Variants in NEBL observed in about 807,000 individuals in gnomAD.
NEBL encodes the protein nebulette, also known as LIM and SH3 protein 2.
In NEBL, 122 loss-of-function variants were observed where a neutral mutation model predicts 140.2. The observed-to-expected ratio is 0.87, with a 90% CI of 0.75 to 1.01. The LOEUF is 1.01. NEBL is among the 50% of genes least tolerant of loss of function. The pLI, the probability that NEBL is intolerant of heterozygous loss-of-function variation, is 0.00. For synonymous variants in NEBL, 436 were observed against 398.9 expected (o/e 1.09, Z -1.11); for missense variants, 1,365 against 1,231.3 (o/e 1.11, Z -1.62).
At chr10:20,979,496 C>T (rs1204243842) in intron 3 of NEBL, among the ~76,000 whole-genome samples, 3 of 152,024 alleles carry the variant, frequency 2.0e-5, no homozygotes, top group Admixed American at 1.3e-4. Context: ...ATGTTTTACT[C>T]GTATAATTCT....
chr10:21,212,704 C>T (rs905503543), intron 3 of NEBL, among the ~76,000 whole-genome samples: 1 of 152,132 alleles, frequency 6.6e-6, no homozygotes, highest in Non-Finnish European at 1.5e-5. Context: ...TTCCAAAGGC[C>T]CTGTGGCCAC....
chr10:21,267,197 A>T (rs1051015957), intron 1 of NEBL, among the ~76,000 whole-genome samples: 2 of 151,998 alleles, frequency 1.3e-5, no homozygotes, highest in Admixed American at 1.3e-4. Context: ...GCCAGTCTCA[A>T]ACTCCTGACC....
chr10:21,024,338 G>A (rs574576779), intron 2 of NEBL, among the ~76,000 whole-genome samples: 1 of 152,094 alleles, frequency 6.6e-6, no homozygotes, highest in African/African-American at 2.4e-5. Context: ...TGATGTAGGA[G>A]AGAAAAAGTT....
At chr10:20,896,186 T>C (rs913664049) in intron 2 of NEBL, among the ~76,000 whole-genome samples, 2 of 152,122 alleles carry the variant, frequency 1.3e-5, no homozygotes, top group Admixed American at 6.5e-5. Context: ...TTACCCTTTC[T>C]CTGGACCAGC....
intron 4 of NEBL, among the ~76,000 whole-genome samples, chr10:20,945,699 A>C (rs1221905947): frequency 6.6e-6 from 1 of 152,180 alleles, no homozygotes; most frequent in Non-Finnish European, 1.5e-5. Context: ...TTAAGAACAC[A>C]CTAGCTTCCG....
intron 4 of NEBL, among the ~76,000 whole-genome samples, chr10:20,936,135 T>C (rs146189097): frequency 6.6e-6 from 1 of 152,336 alleles, no homozygotes; most frequent in Non-Finnish European, 1.5e-5. Context: ...GTTTATTGCA[T>C]AATAATAACA....
At chr10:21,062,047 G>A (rs1401411852) in intron 2 of NEBL, among the ~76,000 whole-genome samples, 1 of 152,220 alleles carries the variant, frequency 6.6e-6, no homozygotes, top group African/African-American at 2.4e-5. Flanking sequence ...TGTAAAACTA[G>A]AATATCTAAG....
At chr10:20,975,303 T>A (rs983108737) in intron 3 of NEBL, among the ~76,000 whole-genome samples, 1 of 152,164 alleles carries the variant, frequency 6.6e-6, no homozygotes, top group Non-Finnish European at 1.5e-5. Context: ...GATAAGTGTT[T>A]CGACTTCTCT....
Position 20,787,306 on chromosome 10 carries a change from G to T in NEBL, c.2764C>A (p.Pro922Thr). ...EVTRPSDEGA[P>T]VLPGAYQQSH... ...TGCTGATAGGCTCCGGGAAGAACAG[G>T]TGCTGCATGTTAAACATACACACAC... Residue 922 changes from proline (P) to threonine (T), a missense_variant and splice_region_variant, in exon 27 of 28, where the codon CCT (proline) becomes ACT (threonine). Physicochemically the swap from Pro to Thr is conservative, Grantham distance 38 (BLOSUM62 -1). Around this residue, in one of 2 missense-constraint regions of NEBL, gnomAD observed 1,323 missense variants for 1,154.8 expected, o/e 1.15. Coordinates refer to ENST00000377122, the MANE Select transcript of NEBL (RefSeq NM_006393.3). 6.2e-7 allele frequency: 1 copy of T among 1,610,562 alleles called. No homozygotes were observed. Among genetic ancestry groups the T allele is most frequent in the South Asian group, 1.1e-5 (1 of 90,576 alleles).
At chr10:21,127,520 T>C (rs936207719) in intron 2 of NEBL, among the ~76,000 whole-genome samples, 3 of 151,320 alleles carry the variant, frequency 2.0e-5, no homozygotes, top group East Asian at 3.9e-4. Context: ...CAATGAGATA[T>C]ACTGGAAAGT....
chr10:21,119,589 T>C (rs145116659), intron 2 of NEBL, among the ~76,000 whole-genome samples: 1 of 151,662 alleles, frequency 6.6e-6, no homozygotes, highest in Admixed American at 6.6e-5. Flanking sequence ...ATGTTTTAGA[T>C]AATTTACATG....
chr10:21,129,984 C>A (rs1348470199), intron 2 of NEBL, among the ~76,000 whole-genome samples: 1 of 151,898 alleles, frequency 6.6e-6, no homozygotes, highest in Non-Finnish European at 1.5e-5. Flanking sequence ...ATGACCTAAC[C>A]ATATTTTGTC....
chr10:21,281,275 T>C (rs1011275657), intron 1 of NEBL, among the ~76,000 whole-genome samples: 2 of 152,128 alleles, frequency 1.3e-5, no homozygotes, highest in Non-Finnish European at 2.9e-5. Context: ...CAGCACAAAA[T>C]ACCAAGCATT....
At chr10:21,134,138 A>G (rs1055403240) in intron 2 of NEBL, among the ~76,000 whole-genome samples, 1 of 152,084 alleles carries the variant, frequency 6.6e-6, no homozygotes, top group Non-Finnish European at 1.5e-5. Flanking sequence ...AGGCAGGAGA[A>G]TCACTTGAAC....
chr10:21,184,820 T>C (rs1015803508), intron 3 of NEBL, among the ~76,000 whole-genome samples: 1 of 152,268 alleles, frequency 6.6e-6, no homozygotes, highest in Non-Finnish European at 1.5e-5. Flanking sequence ...ATGATATCAT[T>C]TTTTGTTAAT....
chr10:21,097,292 G>A (rs991524029), intron 2 of NEBL, among the ~76,000 whole-genome samples: 1 of 150,186 alleles, frequency 6.7e-6, no homozygotes, highest in African/African-American at 2.5e-5. Context: ...AACCCTGTCT[G>A]TACTAAAAAT....
chr10:20,991,506 G>T (rs1266745121), intron 3 of NEBL, among the ~76,000 whole-genome samples: 3 of 152,070 alleles, frequency 2.0e-5, no homozygotes, highest in Non-Finnish European at 4.4e-5. Context: ...TAAAGAAAGT[G>T]CCCAGCTGAC....
At chr10:21,139,860 T>G (rs1839531449) in intron 2 of NEBL, among the ~76,000 whole-genome samples, 1 of 151,882 alleles carries the variant, frequency 6.6e-6, no homozygotes, top group Non-Finnish European at 1.5e-5. Flanking sequence ...TTAAAGTATA[T>G]GGAACATGGT....
chr10:21,073,322 CAA>C (rs371901801), intron 2 of NEBL, among the ~76,000 whole-genome samples: 6 of 134,504 alleles, frequency 4.5e-5, no homozygotes, highest in African/African-American at 5.3e-5. Context: ...GACCCTGTCT[CAA>C]AAAAAAAAAA....
Sources: gnomAD v4.1 joint callset for allele counts (sites outside exome capture counted in the v4.1 genomes callset) on GRCh38, gnomAD v4.1.1 for gene constraint, gnomAD v4.1.1 regional missense constraint, MANE v1.5 for transcripts, NCBI Gene and HGNC (gene_info 2026-07-23, HGNC 2026-07-21) for gene names.